The following MIPOL1 variants were observed in gnomAD, a reference collection of about 807,000 sequenced individuals.
MIPOL1 encodes the protein mirror-image polydactyly gene 1 protein.
MIPOL1 carries 57 observed loss-of-function variants against 60.9 expected under a neutral mutation model. That is an observed-to-expected ratio of 0.94 (90% CI 0.76 to 1.17). The LOEUF (loss-of-function observed/expected upper bound fraction) is 1.17, where lower values mean the gene tolerates loss of function less well. MIPOL1 is among the 50% of genes most tolerant of loss of function. MIPOL1 has a pLI of 0.00. For synonymous variants in MIPOL1, 179 were observed against 168.8 expected (o/e 1.06, Z -0.47); for missense variants, 551 against 511.6 (o/e 1.08, Z -0.74).
intron 1 of MIPOL1, among the ~76,000 whole-genome samples, chr14:37,217,148 A>G (rs1393708069): frequency 6.6e-6 from 1 of 152,178 alleles, no homozygotes; most frequent in African/African-American, 2.4e-5. Flanking sequence ...AAAATGTAAG[A>G]GAAATGGGCA....
At chr14:37,351,792 G>T (rs1006812839) in intron 9 of MIPOL1, among the ~76,000 whole-genome samples, 1,471 of 124,722 alleles carry the variant, frequency 0.012, 28 homozygotes, top group Middle Eastern at 0.035. Flanking sequence ...TGAGTTCATT[G>T]TAGATTGTGG....
At chr14:37,481,558 C>CAA (rs1370651292) in intron 11 of MIPOL1, among the ~76,000 whole-genome samples, 5 of 127,900 alleles carry the variant, frequency 3.9e-5, no homozygotes, top group Middle Eastern at 3.7e-3. Context: ...TGGACCCCCC[C>CAA]CAACACACAC....
intron 9 of MIPOL1, among the ~76,000 whole-genome samples, chr14:37,361,473 G>T (rs977516274): frequency 6.6e-5 from 10 of 152,172 alleles, no homozygotes; most frequent in African/African-American, 7.2e-5. Context: ...ACGTCTCTTT[G>T]TAGGTCTCTA....
chr14:37,284,617 A>G (rs1288011542), intron 6 of MIPOL1, among the ~76,000 whole-genome samples: 2 of 152,186 alleles, frequency 1.3e-5, no homozygotes, highest in Non-Finnish European at 2.9e-5. Flanking sequence ...TGCTGGGATT[A>G]CAGGCGTGAG....
chr14:37,483,825 AG>A (rs1164635653), intron 11 of MIPOL1, among the ~76,000 whole-genome samples: 1 of 152,066 alleles, frequency 6.6e-6, no homozygotes, highest in Non-Finnish European at 1.5e-5. Flanking sequence ...TTGTAGAGGC[AG>A]GGTTTCACTA....
chr14:37,481,043 A>G (rs1438304738), intron 11 of MIPOL1, among the ~76,000 whole-genome samples: 1 of 152,164 alleles, frequency 6.6e-6, no homozygotes, highest in Non-Finnish European at 1.5e-5. Flanking sequence ...TGGAAGGCTG[A>G]CACAGGAGGA....
At chr14:37,287,669 C>T (rs543515708) in intron 7 of MIPOL1, among the ~76,000 whole-genome samples, 1 of 152,140 alleles carries the variant, frequency 6.6e-6, no homozygotes, top group East Asian at 1.9e-4. Flanking sequence ...GAACTTCATG[C>T]AATATTTTCT....
intron 10 of MIPOL1, among the ~76,000 whole-genome samples, chr14:37,422,553 A>T (rs576636152): frequency 1.9e-4 from 29 of 152,128 alleles, no homozygotes; most frequent in Admixed American, 4.6e-4. Flanking sequence ...CCCATGTTCC[A>T]CTTTCTGAAT....
At chr14:37,514,175 A>T (rs1007611933) in intron 12 of MIPOL1, among the ~76,000 whole-genome samples, 1 of 152,196 alleles carries the variant, frequency 6.6e-6, no homozygotes, top group Admixed American at 6.6e-5. Flanking sequence ...TATATGATCT[A>T]ACAGGTACGC....
At chr14:37,368,386 C>T (rs1431338442) in intron 9 of MIPOL1, among the ~76,000 whole-genome samples, 1 of 151,982 alleles carries the variant, frequency 6.6e-6, no homozygotes, top group Non-Finnish European at 1.5e-5. Flanking sequence ...TTGATACGTA[C>T]TGCCTAATAT....
intron 11 of MIPOL1, chr14:37,423,754 T>C (rs559551406): frequency 2.2e-4 from 33 of 152,244 alleles, no homozygotes; most frequent in African/African-American, 7.7e-4. Context: ...TTTCTCAGAA[T>C]AAAGTTAAAA....
At chr14:37,353,196 G>A (rs1359304612) in intron 9 of MIPOL1, among the ~76,000 whole-genome samples, 4 of 147,286 alleles carry the variant, frequency 2.7e-5, no homozygotes, top group Non-Finnish European at 4.5e-5. Context: ...CTGTTTATAC[G>A]CTGGATTACA....
intron 12 of MIPOL1, among the ~76,000 whole-genome samples, chr14:37,542,556 G>C (rs2095533759): frequency 6.6e-6 from 1 of 152,058 alleles, no homozygotes; most frequent in African/African-American, 2.4e-5. Flanking sequence ...TCCTCTGCCT[G>C]GAATGCACAA....
At chr14:37,241,258 C>G (rs1315434888) in intron 1 of MIPOL1, among the ~76,000 whole-genome samples, 1 of 152,084 alleles carries the variant, frequency 6.6e-6, no homozygotes, top group Non-Finnish European at 1.5e-5. Context: ...TCTTTTTGTT[C>G]TATTCAGGAC....
intron 9 of MIPOL1, among the ~76,000 whole-genome samples, chr14:37,347,513 T>G (rs1193659263): frequency 6.6e-6 from 1 of 152,202 alleles, no homozygotes; most frequent in Middle Eastern, 3.4e-3. Context: ...ATATGGCCAA[T>G]ATGAGTTTCA....
At chr14:37,497,891 A>C (rs900887149) in intron 11 of MIPOL1, among the ~76,000 whole-genome samples, 8 of 152,314 alleles carry the variant, frequency 5.3e-5, no homozygotes, top group African/African-American at 1.7e-4. Flanking sequence ...AGCATCTATT[A>C]TCATTGTACT....
intron 6 of MIPOL1, among the ~76,000 whole-genome samples, chr14:37,280,280 T>C (rs2153403825): frequency 6.6e-6 from 1 of 152,292 alleles, no homozygotes; most frequent in Non-Finnish European, 1.5e-5. Context: ...GCAGTGAACA[T>C]GGGAGTGTAG....
intron 9 of MIPOL1, among the ~76,000 whole-genome samples, chr14:37,344,674 A>G (rs940064318): frequency 6.6e-6 from 1 of 152,162 alleles, no homozygotes; most frequent in Non-Finnish European, 1.5e-5. Context: ...ATTAGTTAGA[A>G]TATTTCTCTA....
intron 10 of MIPOL1, among the ~76,000 whole-genome samples, chr14:37,376,006 C>T (rs1341154800): frequency 6.6e-6 from 1 of 152,002 alleles, no homozygotes; most frequent in Non-Finnish European, 1.5e-5. Flanking sequence ...TTAGTTATTT[C>T]CTTATTCTTA....
Sources: gnomAD v4.1 joint callset for allele counts (sites outside exome capture counted in the v4.1 genomes callset) on GRCh38, gnomAD v4.1.1 for gene constraint, MANE v1.5 for transcripts, NCBI Gene and HGNC (gene_info 2026-07-23, HGNC 2026-07-21) for gene names.